The following PLAC8 variants were observed in gnomAD, a reference collection of about 807,000 sequenced individuals.
The protein encoded by PLAC8 is placenta associated 8, also known as placenta-specific gene 8 protein.
PLAC8 carries 6 observed loss-of-function variants against 12.6 expected under a neutral mutation model. That is an observed-to-expected ratio of 0.48 (90% CI 0.26 to 0.94). PLAC8 has a LOEUF of 0.94. PLAC8 is among the 40% of genes least tolerant of loss of function. PLAC8 has a pLI of 0.14. For missense variants in PLAC8, 122 were observed against 152.7 expected, an observed-to-expected ratio of 0.80 and a Z score of 1.06; for synonymous variants, 54 against 52.6, an observed-to-expected ratio of 1.03 and a Z score of -0.11.
intron 2 of PLAC8, among the ~76,000 whole-genome samples, chr4:83,107,177 G>C (rs1732262272): frequency 6.6e-6 from 1 of 150,752 alleles, no homozygotes; most frequent in Non-Finnish European, 1.5e-5. Flanking sequence ...TCCAGCCAGG[G>C]GGACAAGAGT....
At chr4:83,108,469 C>T (rs1398130876) in intron 1 of PLAC8, among the ~76,000 whole-genome samples, 1 of 152,216 alleles carries the variant, frequency 6.6e-6, no homozygotes, top group African/African-American at 2.4e-5. Context: ...TGGCGCGTGC[C>T]TGTAACTCCA....
chr4:83,106,246 G>C (rs1330794352), intron 2 of PLAC8, among the ~76,000 whole-genome samples: 1 of 151,768 alleles, frequency 6.6e-6, no homozygotes, highest in Non-Finnish European at 1.5e-5. Flanking sequence ...TGATCTGCCC[G>C]CCTTGGCCTC....
chr4:83,113,224 G>A (rs146672659), intron 1 of PLAC8, among the ~76,000 whole-genome samples: 272 of 152,260 alleles, frequency 1.8e-3, no homozygotes, highest in African/African-American at 6.4e-3. Flanking sequence ...TCACAGACAC[G>A]GCTTGGTGAG....
intron 4 of PLAC8, among the ~76,000 whole-genome samples, chr4:83,091,652 A>G (rs182832466): frequency 6.6e-6 from 1 of 152,200 alleles, no homozygotes; most frequent in African/African-American, 2.4e-5. Context: ...TACTTTTTGG[A>G]AGGAAGTCAC....
chr4:83,107,508 G>GA (rs1732279829), intron 2 of PLAC8, among the ~76,000 whole-genome samples: 1 of 150,400 alleles, frequency 6.6e-6, no homozygotes, highest in South Asian at 2.1e-4. Context: ...GGCCAGACCT[G>GA]CTCGTTGTTA....
chr4:83,092,340 A>AATC (rs1731825125), intron 4 of PLAC8, among the ~76,000 whole-genome samples: 1 of 152,116 alleles, frequency 6.6e-6, no homozygotes, highest in Non-Finnish European at 1.5e-5. Flanking sequence ...CATCCTGTAC[A>AATC]ATCTGTACTA....
At chr4:83,091,620 G>GCATGCTGTACTTTT in intron 4 of PLAC8, among the ~76,000 whole-genome samples, 1 of 152,300 alleles carries the variant, frequency 6.6e-6, no homozygotes, top group Non-Finnish European at 1.5e-5. Context: ...GAGTGCACTT[G>GCATGCTGTACTTTT]CATGCTGTAC....
chr4:83,109,287 T>C (rs1732344338), intron 1 of PLAC8, among the ~76,000 whole-genome samples: 1 of 152,254 alleles, frequency 6.6e-6, no homozygotes. Context: ...ATTTTAAATG[T>C]ATTAGACGTG....
intron 1 of PLAC8, among the ~76,000 whole-genome samples, chr4:83,110,879 T>TC (rs1365439170): frequency 2.0e-5 from 3 of 152,250 alleles, no homozygotes; most frequent in Non-Finnish European, 4.4e-5. Context: ...GCATTTCATC[T>TC]TGGTTATCAA....
At chr4:83,114,293 A>C (rs1305695956) in intron 1 of PLAC8, among the ~76,000 whole-genome samples, 1 of 152,234 alleles carries the variant, frequency 6.6e-6, no homozygotes, top group Non-Finnish European at 1.5e-5. Flanking sequence ...TTTGTAAAGC[A>C]GAAAGAAATT....
At chr4:83,113,742 G>C (rs28445976) in intron 1 of PLAC8, among the ~76,000 whole-genome samples, 1 of 152,080 alleles carries the variant, frequency 6.6e-6, no homozygotes, top group African/African-American at 2.4e-5. Flanking sequence ...AATCTTGGTG[G>C]GCAAGCTTTG....
chr4:83,105,506 C>T (rs1366895182), intron 2 of PLAC8, among the ~76,000 whole-genome samples: 1 of 152,174 alleles, frequency 6.6e-6, no homozygotes, highest in African/African-American at 2.4e-5. Flanking sequence ...GGAAAAGAGC[C>T]TCTTCGAGGT....
At chr4:83,103,550 A>G (rs1732161541) in intron 3 of PLAC8, among the ~76,000 whole-genome samples, 4 of 152,242 alleles carry the variant, frequency 2.6e-5, no homozygotes. Flanking sequence ...GACTGAATCC[A>G]ATTTTGAAAG....
chr4:83,106,353 T>C (rs7676626), intron 2 of PLAC8, among the ~76,000 whole-genome samples: 151,914 of 152,096 alleles, frequency 1, 75,866 homozygotes, highest in Middle Eastern at 1. Flanking sequence ...TATGGTGGCT[T>C]ATGCCTGTAA....
At chr4:83,100,230 A>G (rs551487399) in intron 3 of PLAC8, among the ~76,000 whole-genome samples, 52 of 149,684 alleles carry the variant, frequency 3.5e-4, no homozygotes, top group Non-Finnish European at 4.0e-4. Context: ...GCAGTGAGCC[A>G]AGATCGTGCC....
intron 4 of PLAC8, chr4:83,093,559 T>G (rs561700698): frequency 1.3e-4 from 20 of 152,356 alleles, no homozygotes; most frequent in African/African-American, 4.8e-4. Context: ...CTGTTTCTTG[T>G]TGAGAACTAA....
Position 83,110,523 on chromosome 4 carries a change from G to A in PLAC8, c.-29-2573C>T, listed in dbSNP as rs529917188. ...GGGGATTTTGTGGGCCAAGTTCACT[G>A]AGGTGTCTCAAAACCTTAGCTCGGG... On this transcript the variant is annotated intron_variant, in intron 1 of 4. Coordinates refer to ENST00000311507, the MANE Select transcript of PLAC8 (RefSeq NM_016619.3). 8.5e-5 allele frequency among the ~76,000 whole-genome samples: 13 copies of A among 152,364 alleles called. No individual in the cohort carries two copies. The South Asian group carries it at 2.3e-3, about 27-fold the overall frequency.
rs750287506 is a variant in PLAC8 at position 83,107,816 on chromosome 4, C to T, written c.106G>A (p.Asp36Asn). The change falls in exon 2 of 5, where the codon GAC becomes AAC. Residue 36 changes from aspartate (D) to asparagine (N), a missense_variant. Transcript: ENST00000311507. The part of the protein sequence containing the change: ...WQTGMCDCFS[D>N]CGVCLCGTFC... The stretch of plus-strand genomic sequence containing the variant: ...CCCACACACTTACAGACTCCGCAGT[C>T]GCTGAAACAGTCACACATGCCTGTC... The T allele has an allele frequency of 1.9e-6, 3 of 1,605,162 alleles. No individual in the cohort carries two copies. Among genetic ancestry groups the T allele is most frequent in the Middle Eastern group, 1.7e-4 (1 of 6,014 alleles).
At chr4:83,099,988 G>A (rs2126141181) in intron 3 of PLAC8, among the ~76,000 whole-genome samples, 1 of 149,610 alleles carries the variant, frequency 6.7e-6, no homozygotes, top group South Asian at 2.1e-4. Context: ...CCTGGTGACA[G>A]AGCGAGACTC....
Sources: gnomAD v4.1 joint callset for allele counts (sites outside exome capture counted in the v4.1 genomes callset) on GRCh38, gnomAD v4.1.1 for gene constraint, MANE v1.5 for transcripts, NCBI Gene and HGNC (gene_info 2026-07-23, HGNC 2026-07-21) for gene names.